Variants in DTNA observed in about 807,000 individuals in gnomAD.
The protein encoded by DTNA is dystrophin-related protein 3.
In DTNA, 43 loss-of-function variants were observed where a neutral mutation model predicts 100.7. That is an observed-to-expected ratio of 0.43 (90% CI 0.33 to 0.55). DTNA has a LOEUF of 0.55. Among genes scored for constraint, DTNA ranks in the 20% least tolerant of loss-of-function variants. The probability of loss-of-function intolerance (pLI) is 0.04; values close to 1 mark genes in which losing one functional copy is unlikely to be tolerated. For missense variants in DTNA, 798 were observed against 953.9 expected, an observed-to-expected ratio of 0.84 and a Z score of 2.15; for synonymous variants, 349 against 347.9, an observed-to-expected ratio of 1.00 and a Z score of -0.04.
chr18:34,687,039 C>G (rs2079004878), intron 1 of DTNA, among the ~76,000 whole-genome samples: 1 of 152,042 alleles, frequency 6.6e-6, no homozygotes, highest in Non-Finnish European at 1.5e-5. Flanking sequence ...CTCTTTTCCT[C>G]TTTATTAGTC....
rs185245450 is a variant in DTNA, at chr18:34,858,681, G to A, written c.1646+283G>A. On this transcript the variant is annotated intron_variant, in intron 16 of 22. Coordinates refer to ENST00000444659, the MANE Select transcript of DTNA (RefSeq NM_001386795.1). ...GGCTGGAGTGCAATGGCACGATCTC[G>A]GTTCACTGCAACCTCTGCCTTCCAG... Among the ~76,000 whole-genome samples, 707 of 152,240 alleles carry A rather than the reference G, an allele frequency of 4.6e-3. 8 individuals carry two copies. The highest frequency in any genetic ancestry group is 0.016 in the African/African-American group (681 of 41,534).
intron 1 of DTNA, among the ~76,000 whole-genome samples, chr18:34,695,854 T>C (rs1449613639): frequency 6.6e-6 from 1 of 152,222 alleles, no homozygotes; most frequent in East Asian, 1.9e-4. Flanking sequence ...TGATTCTGTT[T>C]TCTCAGTTTC....
chr18:34,862,379 C>CA (rs1485273193), intron 16 of DTNA, among the ~76,000 whole-genome samples: 2 of 151,158 alleles, frequency 1.3e-5, no homozygotes, highest in Admixed American at 6.6e-5. Flanking sequence ...GTAAGGATTG[C>CA]TTGTAAGTGG....
At chr18:34,529,920 T>C (rs2042985425) in intron 1 of DTNA, among the ~76,000 whole-genome samples, 1 of 152,144 alleles carries the variant, frequency 6.6e-6, no homozygotes, top group Admixed American at 6.6e-5. Context: ...AAAGTTTTAG[T>C]AGTTAAGAAA....
At chr18:34,853,073 T>C (rs1320773936) in intron 15 of DTNA, among the ~76,000 whole-genome samples, 1 of 152,084 alleles carries the variant, frequency 6.6e-6, no homozygotes, top group East Asian at 1.9e-4. Context: ...ATACATTGAG[T>C]GAGAAAACGA....
intron 1 of DTNA, among the ~76,000 whole-genome samples, chr18:34,673,398 C>T (rs1033077770): frequency 2.6e-5 from 4 of 151,916 alleles, no homozygotes; most frequent in Admixed American, 6.6e-5. Context: ...CCTTGGCCTC[C>T]GAAAGTGCTG....
At chr18:34,864,691 G>A (rs1343516497) in intron 17 of DTNA, among the ~76,000 whole-genome samples, 1 of 152,162 alleles carries the variant, frequency 6.6e-6, no homozygotes, top group Non-Finnish European at 1.5e-5. Context: ...ATATTTAGTA[G>A]CTTTCAGCAA....
At chr18:34,862,976 A>C (rs2096648520) in intron 16 of DTNA, among the ~76,000 whole-genome samples, 1 of 152,230 alleles carries the variant, frequency 6.6e-6, no homozygotes, top group Non-Finnish European at 1.5e-5. Context: ...CATTGAGACT[A>C]GCCATATCCA....
intron 1 of DTNA, among the ~76,000 whole-genome samples, chr18:34,695,870 G>T (rs763924218): frequency 6.6e-6 from 1 of 152,034 alleles, no homozygotes; most frequent in Non-Finnish European, 1.5e-5. Flanking sequence ...GTTTCATTAG[G>T]AAAATTTTTT....
In DTNA at chr18:34,556,225, A is replaced by C. The variant is rs570751735; in HGVS notation, c.-2+62711A>C. On this transcript the variant is annotated intron_variant, in intron 1 of 19. Coordinates refer to the DTNA transcript ENST00000283365. The stretch of plus-strand genomic sequence containing the variant: ...TTTTTTTGTTTTCCATTTGCTTGGT[A>C]GATCTTCCTCCATCCTTTTATTTTG... Among the ~76,000 whole-genome samples, 491 of 151,564 alleles carry C rather than the reference A, an allele frequency of 3.2e-3. 2 individuals carry two copies. Among genetic ancestry groups the C allele is most frequent in the African/African-American group, 0.011 (458 of 41,364 alleles).
chr18:34,745,191 A>G lies in DTNA; in HGVS notation c.-1-10785A>G, dbSNP rs73946162. On this transcript the variant is annotated intron_variant, in intron 1 of 22. Coordinates refer to ENST00000444659, the MANE Select transcript of DTNA (RefSeq NM_001386795.1). ...ATTTTTTGTCCTATTGCAGAAAACA[A>G]TATATTCTCCTGCCTCTCCCCTTCC... 5.6e-3 allele frequency among the ~76,000 whole-genome samples: 852 copies of G among 152,166 alleles called. 11 individuals carry two copies. Among genetic ancestry groups the G allele is most frequent in the African/African-American group, 0.02 (812 of 41,530 alleles).
chr18:34,724,747 G>A (rs1479206062), intron 1 of DTNA, among the ~76,000 whole-genome samples: 1 of 152,116 alleles, frequency 6.6e-6, no homozygotes, highest in Non-Finnish European at 1.5e-5. Flanking sequence ...AACATTGGAG[G>A]TCACATTTCA....
chr18:34,801,244 G>A (rs1255598444), intron 4 of DTNA, among the ~76,000 whole-genome samples: 1 of 152,082 alleles, frequency 6.6e-6, no homozygotes, highest in African/African-American at 2.4e-5. Context: ...TATTAGCCTG[G>A]TTCTCTTAAA....
chr18:34,699,543 G>T (rs2081081472), intron 1 of DTNA, among the ~76,000 whole-genome samples: 1 of 152,088 alleles, frequency 6.6e-6, no homozygotes, highest in South Asian at 2.1e-4. Flanking sequence ...TGTGCACCTG[G>T]TGACCCAGTC....
chr18:34,586,205 T>C (rs2146791755), intron 1 of DTNA, among the ~76,000 whole-genome samples: 1 of 152,362 alleles, frequency 6.6e-6, no homozygotes, highest in Non-Finnish European at 1.5e-5. Context: ...TGTTCCCAAA[T>C]TGCTTTGGTT....
At chr18:34,811,856 TG>T (rs1243984947) in intron 5 of DTNA, 102 bp from the exon 6 acceptor site, 31 of 1,310,104 alleles carry the variant, frequency 2.4e-5, no homozygotes, top group Non-Finnish European at 3.2e-5. Context: ...TCATAAAAAA[TG>T]TTTATTTTGC....
At chr18:34,583,154 T>A (rs969005145) in intron 1 of DTNA, among the ~76,000 whole-genome samples, 5 of 152,202 alleles carry the variant, frequency 3.3e-5, no homozygotes, top group African/African-American at 1.2e-4. Context: ...ATGGAAGTCT[T>A]AATATAGGGA....
Position 34,880,756 on chromosome 18 carries a change from T to C in DTNA, c.2162+1037T>C, listed in dbSNP as rs117157634. Among the ~76,000 whole-genome samples, 427 of 152,126 alleles carry C rather than the reference T, an allele frequency of 2.8e-3. 1 individual carries two copies. Among genetic ancestry groups the C allele is most frequent in the Middle Eastern group, 0.027 (8 of 294 alleles). The stretch of plus-strand genomic sequence containing the variant: ...GAGTCAGCTATGAAGCAGCAGAGAG[T>C]AGGATCAAAACAAAACCATTATCAT... On this transcript the variant is annotated intron_variant, in intron 20 of 22. Coordinates refer to ENST00000444659, the MANE Select transcript of DTNA (RefSeq NM_001386795.1).
At chr18:34,673,459 G>A (rs573004666) in intron 1 of DTNA, among the ~76,000 whole-genome samples, 3 of 149,762 alleles carry the variant, frequency 2.0e-5, no homozygotes, top group African/African-American at 7.4e-5. Flanking sequence ...GTATCATCTC[G>A]ATAAGCAACT....
Sources: allele counts gnomAD v4.1 joint callset (sites outside exome capture counted in the v4.1 genomes callset), GRCh38; gene constraint gnomAD v4.1.1; transcripts MANE v1.5; gene names NCBI Gene and HGNC (gene_info 2026-07-23, HGNC 2026-07-21).